ADK: variants seen among roughly 807,000 people sequenced by gnomAD.
ADK encodes the protein adenosine kinase, also known as N6,N6-dimethyladenosine kinase.
In ADK, 24 loss-of-function variants were observed where a neutral mutation model predicts 44.7. The observed-to-expected ratio is 0.54, with a 90% CI of 0.39 to 0.76. ADK has a LOEUF of 0.76. Ranked by LOEUF, ADK falls within the 30% of genes least tolerant of loss-of-function variation. The pLI, the probability that ADK is intolerant of heterozygous loss-of-function variation, is 0.00. For synonymous variants in ADK, 128 were observed against 142.6 expected (o/e 0.90, Z 0.73); for missense variants, 321 against 425.1 (o/e 0.76, Z 2.15).
In ADK at chr10:74,701,154, A is replaced by C. The variant is rs574961474; in HGVS notation, c.965-7167A>C. ...AAATAAATTTGTTGATATTTTTGGGAGCTAGGTTCTCACTATAAAAGAAGG... is the reference window on the plus strand; with the variant it reads ...AAATAAATTTGTTGATATTTTTGGGCGCTAGGTTCTCACTATAAAAGAAGG... On this transcript the variant is annotated intron_variant, in intron 10 of 10. Coordinates refer to ENST00000539909, the MANE Select transcript of ADK (RefSeq NM_006721.4). Among the ~76,000 whole-genome samples, 49 of 152,326 alleles carry C rather than the reference A, an allele frequency of 3.2e-4. 1 individual carries two copies. In the South Asian group the frequency reaches 9.5e-3, roughly 30 times the overall value.
At position 74,231,013 on chromosome 10, in the gene ADK, A is replaced by T. The variant is rs185548646; in HGVS notation, c.194+6422A>T. On this transcript the variant is annotated intron_variant, in intron 3 of 10. Coordinates refer to ENST00000539909, the MANE Select transcript of ADK (RefSeq NM_006721.4). ...AATTTTTTTTTTTAAAGGGATTAAT[A>T]TCCATTGCAAGACTTGGTAACGGAT... 4.3e-4 allele frequency among the ~76,000 whole-genome samples: 65 copies of T among 152,226 alleles called. No individual in the cohort carries two copies. In the East Asian group the frequency reaches 0.011, roughly 26 times the overall value.
chr10:74,515,639 CCT>C (rs986434621), intron 6 of ADK, among the ~76,000 whole-genome samples: 2 of 152,108 alleles, frequency 1.3e-5, no homozygotes, highest in Admixed American at 6.5e-5. Flanking sequence ...CTATGGGGGA[CCT>C]GTGTGTCTGT....
At chr10:74,230,696 T>G (rs992934086) in intron 3 of ADK, among the ~76,000 whole-genome samples, 3 of 151,800 alleles carry the variant, frequency 2.0e-5, no homozygotes, top group Non-Finnish European at 4.4e-5. Flanking sequence ...TTTTTTTTTT[T>G]TTTTGAGACG....
rs895450083 is a variant in ADK at position 74,199,579 on chromosome 10, C to T, written c.66-1185C>T. Among the ~76,000 whole-genome samples the T allele has an allele frequency of 5.9e-5, 9 of 152,254 alleles. No individual in the cohort carries two copies. The South Asian group carries it at 1.5e-3, about 25-fold the overall frequency. On this transcript the variant is annotated intron_variant, in intron 1 of 10. Transcript: ENST00000539909. The stretch of plus-strand genomic sequence containing the variant: ...GTATATGTATTGAATTTTCTTTATC[C>T]ATTCTACCATTGATGGGCACCTAAG...
intron 3 of ADK, among the ~76,000 whole-genome samples, chr10:74,312,783 G>A (rs1024648243): frequency 1.1e-4 from 17 of 150,134 alleles, no homozygotes; most frequent in Admixed American, 1.3e-4. Flanking sequence ...GTGTGGTGGT[G>A]CATGCCTGTA....
At chr10:74,222,793 T>C (rs1022792763) in intron 2 of ADK, among the ~76,000 whole-genome samples, 1 of 140,504 alleles carries the variant, frequency 7.1e-6, no homozygotes, top group South Asian at 2.2e-4. Flanking sequence ...TTCTCACTCA[T>C]AGGTGGGAAT....
At chr10:74,195,527 G>A (rs186780413) in intron 1 of ADK, among the ~76,000 whole-genome samples, 2 of 151,902 alleles carry the variant, frequency 1.3e-5, no homozygotes, top group Admixed American at 1.3e-4. Context: ...CTGTCACCCA[G>A]GGCTGGAGTG....
At chr10:74,631,328 G>C (rs543228492) in intron 9 of ADK, among the ~76,000 whole-genome samples, 151 of 150,660 alleles carry the variant, frequency 1.0e-3, no homozygotes, top group African/African-American at 3.5e-3. Context: ...AGGCTGGAGT[G>C]CAATGGCGCA....
intron 4 of ADK, among the ~76,000 whole-genome samples, chr10:74,388,288 A>G (rs747597759): frequency 2.0e-5 from 3 of 152,216 alleles, no homozygotes; most frequent in Non-Finnish European, 4.4e-5. Context: ...GAAGAAATTG[A>G]CGTTTAGCAG....
intron 3 of ADK, among the ~76,000 whole-genome samples, chr10:74,233,301 A>G (rs922363087): frequency 6.6e-6 from 1 of 152,226 alleles, no homozygotes; most frequent in Non-Finnish European, 1.5e-5. Flanking sequence ...TGTTCTGTTA[A>G]TAGGGAAACT....
intron 6 of ADK, among the ~76,000 whole-genome samples, chr10:74,409,962 CA>C (rs1710233216): frequency 6.6e-6 from 1 of 152,008 alleles, no homozygotes; most frequent in African/African-American, 2.4e-5. Context: ...TACTCAGTTA[CA>C]ATTAAATATC....
intron 6 of ADK, among the ~76,000 whole-genome samples, chr10:74,482,321 T>C (rs1470407406): frequency 2.0e-5 from 3 of 152,108 alleles, no homozygotes; most frequent in African/African-American, 7.2e-5. Context: ...TAAACAACTA[T>C]AGCTCATTGA....
intron 7 of ADK, among the ~76,000 whole-genome samples, chr10:74,582,480 C>T (rs1851404946): frequency 6.6e-6 from 1 of 152,100 alleles, no homozygotes; most frequent in Admixed American, 6.5e-5. Flanking sequence ...TTTGATGAAG[C>T]ACTTTTTCCT....
At chr10:74,226,655 A>G (rs1238028379) in intron 3 of ADK, among the ~76,000 whole-genome samples, 1 of 149,164 alleles carries the variant, frequency 6.7e-6, no homozygotes, top group Non-Finnish European at 1.5e-5. Flanking sequence ...TTTTTTTTTT[A>G]GTTTCACCTG....
intron 6 of ADK, among the ~76,000 whole-genome samples, chr10:74,480,093 T>A (rs1564745797): frequency 6.6e-6 from 1 of 152,142 alleles, no homozygotes; most frequent in Non-Finnish European, 1.5e-5. Flanking sequence ...TTATACTTTT[T>A]CCTACACAAA....
chr10:74,271,289 T>G (rs1316209066), intron 3 of ADK, among the ~76,000 whole-genome samples: 1 of 152,116 alleles, frequency 6.6e-6, no homozygotes, highest in Non-Finnish European at 1.5e-5. Flanking sequence ...AATGTTGGAA[T>G]TTTTGCTCTA....
intron 3 of ADK, among the ~76,000 whole-genome samples, chr10:74,282,255 T>G (rs1306381007): frequency 2.0e-5 from 3 of 152,192 alleles, no homozygotes; most frequent in Non-Finnish European, 4.4e-5. Flanking sequence ...CTATTTGTGG[T>G]GAACTTTTTA....
intron 6 of ADK, among the ~76,000 whole-genome samples, chr10:74,475,019 G>A (rs1418542666): frequency 2.6e-5 from 4 of 152,058 alleles, no homozygotes; most frequent in African/African-American, 7.2e-5. Flanking sequence ...CAGCTACTTG[G>A]GAGGCTGAAG....
intron 3 of ADK, among the ~76,000 whole-genome samples, chr10:74,276,990 T>A (rs1846707771): frequency 6.6e-6 from 1 of 152,106 alleles, no homozygotes; most frequent in African/African-American, 2.4e-5. Context: ...CGATCTCAGC[T>A]CACTGCAAAC....
Sources: allele counts gnomAD v4.1 joint callset (sites outside exome capture counted in the v4.1 genomes callset), GRCh38; gene constraint gnomAD v4.1.1; transcripts MANE v1.5; gene names NCBI Gene and HGNC (gene_info 2026-07-23, HGNC 2026-07-21).